The following LRTM3 variants were observed in gnomAD, a reference collection of about 807,000 sequenced individuals.
LRTM3 encodes leucine-rich repeat transmembrane protein 3.
chr13:102,742,694 G>A, the LRTM3 span: 1 of 1,550,598 alleles, frequency 6.4e-7, no homozygotes, highest in African/African-American at 1.4e-5. Context: ...TGATTGCTTT[G>A]CCTGCAAAGG....
At chr13:102,749,479 C>T in the LRTM3 span, 1 of 1,551,238 alleles carries the variant, frequency 6.4e-7, no homozygotes. Context: ...AATATTTAAC[C>T]TTGTTTGAAT....
At chr13:102,738,302 G>A in the LRTM3 span, 24 of 1,550,826 alleles carry the variant, frequency 1.5e-5, no homozygotes, top group Non-Finnish European at 2.1e-5. Context: ...CACTCCATCT[G>A]CTTTTTCCCC....
chr13:102,735,956 T>C, the LRTM3 span: 653 of 1,547,830 alleles, frequency 4.2e-4, 9 homozygotes, highest in South Asian at 7.4e-3. Context: ...GTTCTTTCCA[T>C]TGCATAGAAG....
chr13:102,758,709 AC>A, the LRTM3 span: 1 of 1,543,388 alleles, frequency 6.5e-7, no homozygotes, highest in Non-Finnish European at 8.8e-7. Flanking sequence ...TACCTCCTGG[AC>A]ATCTGAACTA....
At chr13:102,743,646 G>T in the LRTM3 span, 1 of 1,550,224 alleles carries the variant, frequency 6.5e-7, no homozygotes, top group Non-Finnish European at 8.7e-7. Context: ...GAGTTTTCTT[G>T]TACTTCTTCC....
the LRTM3 span, chr13:102,731,987 T>A: frequency 6.4e-7 from 1 of 1,551,374 alleles, no homozygotes; most frequent in Non-Finnish European, 8.7e-7. Flanking sequence ...TGCCTTTAAG[T>A]ATTTTTTATT....
chr13:102,742,403 A>G, the LRTM3 span: 1 of 1,546,762 alleles, frequency 6.5e-7, no homozygotes, highest in Admixed American at 2.0e-5. Flanking sequence ...AGTTCCTGAG[A>G]CACACAGCTC....
At chr13:102,737,681 T>C in the LRTM3 span, 2 of 1,550,702 alleles carry the variant, frequency 1.3e-6, no homozygotes, top group Non-Finnish European at 1.7e-6. Context: ...TTCATCCTCT[T>C]CTTTCTGTTG....
At chr13:102,740,908 G>A in the LRTM3 span, 87 of 1,549,734 alleles carry the variant, frequency 5.6e-5, no homozygotes, top group South Asian at 4.3e-4. Context: ...GAAAAGCCTC[G>A]TGTGTACTTT....
At chr13:102,747,363 G>A in the LRTM3 span, 3 of 1,550,076 alleles carry the variant, frequency 1.9e-6, no homozygotes, top group Non-Finnish European at 2.6e-6. Flanking sequence ...TTTTTCCTGT[G>A]GTTTGAAGTA....
chr13:102,740,849 G>GGTGACTTAATCTGAA, the LRTM3 span: 1 of 1,549,806 alleles, frequency 6.5e-7, no homozygotes, highest in Non-Finnish European at 8.7e-7. Flanking sequence ...CTTTACCTTT[G>GGTGACTTAATCTGAA]GTGACTTAAT....
chr13:102,753,037 C>T, the LRTM3 span, among the ~76,000 whole-genome samples: 1 of 152,068 alleles, frequency 6.6e-6, no homozygotes, highest in Admixed American at 6.5e-5. Flanking sequence ...TTTATTGCAG[C>T]AATATTTACA....
At chr13:102,729,961 A>G in the LRTM3 span, 1 of 1,551,854 alleles carries the variant, frequency 6.4e-7, no homozygotes, top group Non-Finnish European at 8.7e-7. Flanking sequence ...CTGAAGAGTA[A>G]CTTGTTCTGC....
the LRTM3 span, chr13:102,742,592 G>C: frequency 6.4e-7 from 1 of 1,550,480 alleles, no homozygotes; most frequent in Non-Finnish European, 8.7e-7. Flanking sequence ...ATCAACTTCT[G>C]CTTCTGTCTT....
chr13:102,741,830 G>A, the LRTM3 span: 4 of 1,550,356 alleles, frequency 2.6e-6, no homozygotes, highest in Non-Finnish European at 3.5e-6. Flanking sequence ...TTCTTCATCT[G>A]TTCTAATTCG....
the LRTM3 span, chr13:102,743,916 T>C: frequency 6.4e-7 from 1 of 1,550,692 alleles, no homozygotes; most frequent in Non-Finnish European, 8.7e-7. Flanking sequence ...CCCAAGAAAA[T>C]TGCAGCTACA....
the LRTM3 span, chr13:102,739,655 A>G: frequency 7.7e-6 from 12 of 1,550,338 alleles, no homozygotes; most frequent in Middle Eastern, 3.3e-4. Flanking sequence ...CCTTGGCTTC[A>G]AAATGATGTT....
the LRTM3 span, chr13:102,739,407 T>A: frequency 1.9e-6 from 3 of 1,550,494 alleles, no homozygotes; most frequent in South Asian, 3.6e-5. Context: ...CTTCTGGCAT[T>A]TGATGATGCC....
At chr13:102,736,985 G>A in the LRTM3 span, 4 of 1,551,058 alleles carry the variant, frequency 2.6e-6, no homozygotes, top group East Asian at 2.4e-5. Context: ...AGATAGAGAA[G>A]GTATTGTCAG....
Sources: allele counts gnomAD v4.1 joint callset (sites outside exome capture counted in the v4.1 genomes callset), GRCh38; gene constraint gnomAD v4.1.1; transcripts MANE v1.5; gene names NCBI Gene and HGNC (gene_info 2026-07-23, HGNC 2026-07-21).